The following CLIC5 variants were observed in gnomAD, a reference collection of about 807,000 sequenced individuals.
CLIC5 encodes the protein chloride intracellular channel protein 5.
A neutral mutation model predicts 24.7 loss-of-function variants in CLIC5; 20 were observed. That is an observed-to-expected ratio of 0.81 (90% CI 0.57 to 1.18). The LOEUF is 1.18. Ranked by LOEUF, CLIC5 falls within the 50% of genes most tolerant of loss-of-function variation. CLIC5 has a pLI of 0.00. For missense variants in CLIC5, 341 were observed against 326.1 expected, an observed-to-expected ratio of 1.05 and a Z score of -0.35; for synonymous variants, 159 against 135.6, an observed-to-expected ratio of 1.17 and a Z score of -1.20.
At chr6:46,112,580 T>G in the CLIC5 span, among the ~76,000 whole-genome samples, 1 of 152,332 alleles carries the variant, frequency 6.6e-6, no homozygotes, top group East Asian at 1.9e-4. Context: ...CCAATTAATC[T>G]GACTTTTGTG....
At chr6:46,056,918 C>T (rs1450341481) in intron 1 of CLIC5, among the ~76,000 whole-genome samples, 1 of 152,170 alleles carries the variant, frequency 6.6e-6, no homozygotes, top group Non-Finnish European at 1.5e-5. Context: ...CCTCCTCACC[C>T]CCCAAAAAGA....
intron 6 of CLIC5, among the ~76,000 whole-genome samples, chr6:45,884,751 C>T (rs1167288382): frequency 1.3e-5 from 2 of 152,100 alleles, no homozygotes; most frequent in South Asian, 2.1e-4. Context: ...GTGTGGATAC[C>T]GATGCCCAAT....
At chr6:46,058,762 G>GA (rs1489998084) in intron 1 of CLIC5, among the ~76,000 whole-genome samples, 1 of 151,948 alleles carries the variant, frequency 6.6e-6, no homozygotes, top group African/African-American at 2.4e-5. Flanking sequence ...AACGGTGGAA[G>GA]AAAAAAATCC....
At chr6:46,044,373 G>A (rs1460536563) in intron 1 of CLIC5, among the ~76,000 whole-genome samples, 3 of 152,202 alleles carry the variant, frequency 2.0e-5, no homozygotes, top group African/African-American at 7.2e-5. Context: ...GGGAGAACAA[G>A]GAAGGGGAAA....
chr6:45,903,305 C>G, intron 5 of CLIC5, 50 bp from the exon 6 acceptor site: 1 of 1,518,266 alleles, frequency 6.6e-7, no homozygotes, highest in Non-Finnish European at 8.9e-7. Context: ...TGAAACAAAT[C>G]ATTAGAAAGT....
At chr6:45,941,730 T>A (rs1764139491) in intron 3 of CLIC5, 77 bp from the exon 4 acceptor site, 8 of 1,049,026 alleles carry the variant, frequency 7.6e-6, no homozygotes, top group Non-Finnish European at 1.2e-5. Flanking sequence ...CCTATCATGA[T>A]AAGCAATACT....
chr6:46,098,937 C>T, the CLIC5 span, among the ~76,000 whole-genome samples: 21 of 152,182 alleles, frequency 1.4e-4, no homozygotes, highest in African/African-American at 4.8e-4. Context: ...CCCTGAGAAG[C>T]TTACAGAGCC....
intron 6 of CLIC5, among the ~76,000 whole-genome samples, chr6:45,882,987 T>A (rs1762275898): frequency 6.6e-6 from 1 of 152,154 alleles, no homozygotes. Context: ...AGTGCTAAAT[T>A]AGTGGTGTGG....
chr6:45,934,631 C>A (rs185862636), intron 4 of CLIC5, among the ~76,000 whole-genome samples: 1 of 152,086 alleles, frequency 6.6e-6, no homozygotes, highest in African/African-American at 2.4e-5. Context: ...AAGTGGGCTG[C>A]GCAAAAGGAG....
At position 45,899,339 on chromosome 6, in the gene CLIC5, A is replaced by G. The variant is rs1415184504; in HGVS notation, c.*3749T>C. ...ATCATTGTACTTAGTTTTAACCATG[A>G]GTTAACATTTCCTTTTTCCAAGGAG... On this transcript the variant is annotated 3_prime_UTR_variant, in exon 6 of 6. Transcript: ENST00000339561. 1.3e-5 allele frequency: 2 copies of G among 152,248 alleles called. No individual in the cohort carries two copies. Among genetic ancestry groups the G allele is most frequent in the East Asian group, 3.9e-4 (2 of 5,192 alleles). 9.4% of individuals were successfully genotyped at this position (152,248 alleles called of 1,614,324 possible).
chr6:46,017,647 T>C (rs1562007375), upstream of CLIC5, among the ~76,000 whole-genome samples: 1 of 152,156 alleles, frequency 6.6e-6, no homozygotes, highest in Non-Finnish European at 1.5e-5. Context: ...TTCAGAATAA[T>C]AGTTACATGA....
At chr6:46,009,169 C>A (rs1462780938) in intron 1 of CLIC5, among the ~76,000 whole-genome samples, 3 of 151,494 alleles carry the variant, frequency 2.0e-5, no homozygotes, top group Non-Finnish European at 4.4e-5. Context: ...TGGGAAGAGT[C>A]TTTGAATCCC....
At chr6:46,116,651 G>A in the CLIC5 span, among the ~76,000 whole-genome samples, 2 of 151,810 alleles carry the variant, frequency 1.3e-5, no homozygotes, top group South Asian at 4.1e-4. Flanking sequence ...CCAAGCTCTG[G>A]GGGAATGTAT....
chr6:45,995,492 A>G (rs1190111807), intron 1 of CLIC5, among the ~76,000 whole-genome samples: 1 of 152,360 alleles, frequency 6.6e-6, no homozygotes, highest in East Asian at 1.9e-4. Flanking sequence ...AGGCTGGCCC[A>G]GCAACTCAAG....
At chr6:45,920,620 AAAT>A (rs1391304544) in intron 4 of CLIC5, 2 of 911,732 alleles carry the variant, frequency 2.2e-6, no homozygotes, top group South Asian at 5.1e-5. Context: ...TGGAAACAAA[AAAT>A]AATAATAAGA....
upstream of CLIC5, among the ~76,000 whole-genome samples, chr6:46,082,897 C>T (rs1477362399): frequency 1.3e-5 from 2 of 152,134 alleles, no homozygotes; most frequent in Non-Finnish European, 2.9e-5. Context: ...TCTTATCCTA[C>T]TAGAATGTAA....
At chr6:45,967,874 G>A (rs533141715) in intron 1 of CLIC5, among the ~76,000 whole-genome samples, 2 of 152,224 alleles carry the variant, frequency 1.3e-5, no homozygotes, top group Non-Finnish European at 2.9e-5. Flanking sequence ...TCATTACCAT[G>A]GGGAGGGCAC....
rs369954715 is a variant in CLIC5, at chr6:45,914,280, T to G, written c.536A>C (p.Asp179Ala). The change falls in exon 5 of 6, where the codon GAT becomes GCT. Residue 179 changes from aspartate (D) to alanine (A), a missense_variant. Asp to Ala is a moderately radical substitution (Grantham distance 126). Transcript: ENST00000339561. ...KGSRRKFLDG[D>A]ELTLADCNLL... Reference sequence around the variant, plus strand: ...ATTGCAGTCAGCCAGGGTCAGCTCATCCCCATCCAGGAACTTGCGCCGGGA... The same window carrying G: ...ATTGCAGTCAGCCAGGGTCAGCTCAGCCCCATCCAGGAACTTGCGCCGGGA... The G allele has an allele frequency of 6.2e-7, 1 of 1,610,602 alleles. No homozygotes were observed. Among genetic ancestry groups the G allele is most frequent in the Middle Eastern group, 1.6e-4 (1 of 6,066 alleles).
chr6:46,061,743 A>C (rs1762289528), intron 1 of CLIC5, among the ~76,000 whole-genome samples: 1 of 152,230 alleles, frequency 6.6e-6, no homozygotes, highest in South Asian at 2.1e-4. Flanking sequence ...TTATCATTTC[A>C]AACCAATAGA....
Sources: gnomAD v4.1 joint callset for allele counts (sites outside exome capture counted in the v4.1 genomes callset) on GRCh38, gnomAD v4.1.1 for gene constraint, MANE v1.5 for transcripts, NCBI Gene and HGNC (gene_info 2026-07-23, HGNC 2026-07-21) for gene names.